Variants in MEGF9 observed in about 807,000 individuals in gnomAD.
MEGF9 encodes multiple epidermal growth factor-like domains protein 9.
MEGF9 carries 6 observed loss-of-function variants against 46.8 expected under a neutral mutation model. The observed-to-expected ratio is 0.13, with a 90% CI of 0.07 to 0.25. The LOEUF (loss-of-function observed/expected upper bound fraction) is 0.25, where lower values mean the gene tolerates loss of function less well. Ranked by LOEUF, MEGF9 falls within the 10% of genes least tolerant of loss-of-function variation. The pLI, the probability that MEGF9 is intolerant of heterozygous loss-of-function variation, is 1.00. For missense variants in MEGF9, 683 were observed against 792.4 expected, an observed-to-expected ratio of 0.86 and a Z score of 1.66; for synonymous variants, 302 against 330.7, an observed-to-expected ratio of 0.91 and a Z score of 0.94.
chr9:120,620,846 G>T (rs942345774), intron 3 of MEGF9, among the ~76,000 whole-genome samples: 1 of 99,890 alleles, frequency 1.0e-5, no homozygotes, highest in Non-Finnish European at 2.2e-5. Flanking sequence ...AGACAAGATC[G>T]CATAAAAGAA....
Position 120,621,755 on chromosome 9 carries a change from C to G in MEGF9, c.943+861G>C, listed in dbSNP as rs574116816. ...TGCCGGACACAGTATATAAAAGAACCAGAGAGGGCTCCCCTTTCATCTGTT... is the reference window on the plus strand; with the variant it reads ...TGCCGGACACAGTATATAAAAGAACGAGAGAGGGCTCCCCTTTCATCTGTT... On this transcript the variant is annotated intron_variant, in intron 3 of 5. Transcript: ENST00000373930. Among the ~76,000 whole-genome samples, 23 of 152,214 alleles carry G rather than the reference C, an allele frequency of 1.5e-4. 1 individual carries two copies. In the South Asian group the frequency reaches 4.6e-3, roughly 30 times the overall value.
At chr9:120,672,578 A>AC (rs2043754726) in intron 1 of MEGF9, among the ~76,000 whole-genome samples, 1 of 152,224 alleles carries the variant, frequency 6.6e-6, no homozygotes, top group Non-Finnish European at 1.5e-5. Flanking sequence ...CCATGATCAC[A>AC]CCACTCTACT....
intron 1 of MEGF9, among the ~76,000 whole-genome samples, chr9:120,704,668 G>T (rs2043920495): frequency 6.6e-6 from 1 of 152,054 alleles, no homozygotes; most frequent in Non-Finnish European, 1.5e-5. Context: ...AAAGTACAGA[G>T]GACATAAGCC....
chr9:120,622,665 G>A lies in MEGF9; in HGVS notation c.894C>T (p.Cys298=). The A allele has an allele frequency of 6.2e-7, 1 of 1,613,612 alleles. No individual in the cohort carries two copies. The highest frequency in any genetic ancestry group is 2.2e-5 in the East Asian group (1 of 44,858). Residue 298 remains cysteine, a synonymous_variant, in exon 3 of 6, where the codon TGC becomes TGT. Transcript: ENST00000373930. The part of the protein sequence containing the change: ...DGYYGFSKNG[C]LPCQCNNRSA... ...ACCGATTATTGCATTGGCAGGGCAA[G>A]CAGCCATTCTTACTAAAGCCATAAT...
intron 2 of MEGF9, among the ~76,000 whole-genome samples, chr9:120,651,306 T>A (rs972429696): frequency 6.6e-6 from 1 of 152,236 alleles, no homozygotes; most frequent in African/African-American, 2.4e-5. Flanking sequence ...CACCACAGCA[T>A]TGAATTTCTT....
intron 4 of MEGF9, among the ~76,000 whole-genome samples, chr9:120,610,062 G>C (rs2043438569): frequency 6.6e-6 from 1 of 152,070 alleles, no homozygotes; most frequent in Non-Finnish European, 1.5e-5. Context: ...TCTCAAGTAA[G>C]TTACTAAACT....
Position 120,714,203 on chromosome 9 carries a change from G to A in MEGF9, c.156C>T (p.Asp52=). 1 of 1,235,960 alleles carries A rather than the reference G, an allele frequency of 8.1e-7. No individual in the cohort carries two copies. The highest frequency in any genetic ancestry group is 1.0e-6 in the Non-Finnish European group (1 of 991,458). The allele number at this position is 1,235,960 out of a possible 1,614,324, so 76.6% of individuals were successfully genotyped here. A position where few individuals can be genotyped will look rare whatever the true frequency, so the allele number is the denominator to read the frequency against. The change falls in exon 1 of 6, where the codon GAC becomes GAT. Residue 52 remains aspartate, a synonymous_variant. Transcript: ENST00000373930. ...CCCGCAACCCGGGGCCCGGCGACGC[G>A]TCCACCTGCCCCGCGGCCCCGCCGC... ...TGGGGAAGQV[D]ASPGPGLRGE... is the part of the protein sequence containing the mutation.
intron 3 of MEGF9, among the ~76,000 whole-genome samples, chr9:120,620,484 G>A (rs2043494190): frequency 6.6e-6 from 1 of 151,900 alleles, no homozygotes; most frequent in African/African-American, 2.4e-5. Context: ...ATGTGACTCA[G>A]AATCACAAAT....
At chr9:120,670,022 AAGAG>A (rs1325420272) in intron 1 of MEGF9, among the ~76,000 whole-genome samples, 1 of 152,226 alleles carries the variant, frequency 6.6e-6, no homozygotes, top group Non-Finnish European at 1.5e-5. Flanking sequence ...AGGTAGAAGA[AAGAG>A]AGAAGTCTAG....
chr9:120,608,889 C>T (rs2043432152), intron 4 of MEGF9, among the ~76,000 whole-genome samples: 2 of 152,202 alleles, frequency 1.3e-5, no homozygotes, highest in Admixed American at 1.3e-4. Flanking sequence ...TCTTTCCAAT[C>T]CACGGATGTC....
intron 1 of MEGF9, among the ~76,000 whole-genome samples, chr9:120,711,871 A>ACACACCCC (rs145059704): frequency 5.3e-4 from 79 of 150,220 alleles, no homozygotes; most frequent in South Asian, 2.3e-3. Flanking sequence ...ACACACACAC[A>ACACACCCC]CCCACAGGCC....
chr9:120,622,954 T>G (rs933423130), intron 2 of MEGF9, among the ~76,000 whole-genome samples, 199 bp from the exon 3 acceptor site: 1 of 152,230 alleles, frequency 6.6e-6, no homozygotes, highest in Admixed American at 6.5e-5. Context: ...ATAATGCAAT[T>G]TCTTAGCTAA....
intron 1 of MEGF9, among the ~76,000 whole-genome samples, chr9:120,663,637 T>A (rs763797172): frequency 6.6e-6 from 1 of 152,220 alleles, no homozygotes; most frequent in Non-Finnish European, 1.5e-5. Flanking sequence ...CCAGTGTGGA[T>A]GTTAATGGGA....
At chr9:120,671,248 G>T (rs1203769073) in intron 1 of MEGF9, among the ~76,000 whole-genome samples, 1 of 151,948 alleles carries the variant, frequency 6.6e-6, no homozygotes, top group East Asian at 1.9e-4. Context: ...GATCATTTTG[G>T]TTCCCAATGA....
chr9:120,682,765 T>C (rs1296398203), intron 1 of MEGF9, among the ~76,000 whole-genome samples: 1 of 152,162 alleles, frequency 6.6e-6, no homozygotes, highest in East Asian at 1.9e-4. Context: ...TTATTTTTTG[T>C]AGAGACAGGA....
chr9:120,666,168 C>T (rs1052952967), intron 1 of MEGF9, among the ~76,000 whole-genome samples: 4 of 151,972 alleles, frequency 2.6e-5, no homozygotes, highest in Non-Finnish European at 5.9e-5. Flanking sequence ...CTATAAATTG[C>T]TTTAGGTAGT....
At chr9:120,673,410 T>G (rs1156503170) in intron 1 of MEGF9, among the ~76,000 whole-genome samples, 1 of 152,066 alleles carries the variant, frequency 6.6e-6, no homozygotes, top group Non-Finnish European at 1.5e-5. Context: ...ATAATTGATT[T>G]CAAGACTTAC....
intron 1 of MEGF9, among the ~76,000 whole-genome samples, chr9:120,695,624 A>AAAAAAAAAAAAAAAAAAAAAAAAAAC (rs2043873020): frequency 6.6e-6 from 1 of 150,906 alleles, no homozygotes; most frequent in African/African-American, 2.4e-5. Flanking sequence ...AAAAAAAAAA[A>AAAAAAAAAAAAAAAAAAAAAAAAAAC]AAAAAGCAAA....
chr9:120,627,807 G>A (rs1416277045), intron 2 of MEGF9, among the ~76,000 whole-genome samples: 1 of 152,070 alleles, frequency 6.6e-6, no homozygotes, highest in Non-Finnish European at 1.5e-5. Context: ...GGTCATTTGG[G>A]AACTTTTGCT....
Sources: gnomAD v4.1 joint callset for allele counts (sites outside exome capture counted in the v4.1 genomes callset) on GRCh38, gnomAD v4.1.1 for gene constraint, MANE v1.5 for transcripts, NCBI Gene and HGNC (gene_info 2026-07-23, HGNC 2026-07-21) for gene names.